The following GALNT15 variants were observed in gnomAD, a reference collection of about 807,000 sequenced individuals.
GALNT15 encodes polypeptide N-acetylgalactosaminyltransferase 15, also known as UDP-GalNAc transferase T15.
Under a neutral mutation model 66.8 loss-of-function variants are expected in GALNT15, and 67 were observed. That is an observed-to-expected ratio of 1.00 (90% CI 0.82 to 1.23). GALNT15 has a LOEUF of 1.23. GALNT15 is among the 50% of genes most tolerant of loss of function. The probability of loss-of-function intolerance (pLI) is 0.00; values close to 1 mark genes in which losing one functional copy is unlikely to be tolerated. For missense variants in GALNT15, 827 were observed against 804.3 expected, an observed-to-expected ratio of 1.03 and a Z score of -0.34; for synonymous variants, 313 against 311.5, an observed-to-expected ratio of 1.00 and a Z score of -0.05.
Position 16,195,546 on chromosome 3 carries a change from T to C in GALNT15, c.540-214T>C, listed in dbSNP as rs1267585515. On this transcript the variant is annotated intron_variant, in intron 1 of 9. Transcript: ENST00000339732. This position sits in a 1 kb window ranked among gnomAD's most constrained non-coding sequence, Gnocchi z 4.6. Reference sequence around the variant, plus strand: ...ATGAGAGGGACTTTGGATTAAATGATAAAGGAGCTCTTGAGATCTGAGAAT... The same window carrying C: ...ATGAGAGGGACTTTGGATTAAATGACAAAGGAGCTCTTGAGATCTGAGAAT... 6.6e-6 allele frequency among the ~76,000 whole-genome samples: 1 copy of C among 152,164 alleles called. No individual in the cohort carries two copies. The highest frequency in any genetic ancestry group is 2.4e-5 in the African/African-American group (1 of 41,446).
chr3:16,181,889 T>C lies in GALNT15; in HGVS notation c.539+6199T>C, dbSNP rs753324428. ...AACCTTCCAGCCCTCGAGTCCACAGTGGCCGCAGCAGAGGCAGTACCTCCT... is the reference window on the plus strand; with the variant it reads ...AACCTTCCAGCCCTCGAGTCCACAGCGGCCGCAGCAGAGGCAGTACCTCCT... On this transcript the variant is annotated intron_variant, in intron 1 of 9. Coordinates refer to ENST00000339732, the MANE Select transcript of GALNT15 (RefSeq NM_054110.5). The surrounding 1 kb of genome is among the most constrained non-coding windows in gnomAD (Gnocchi z 5.9). Among the ~76,000 whole-genome samples the C allele has an allele frequency of 3.1e-4, 47 of 152,198 alleles. No individual in the cohort carries two copies. Among genetic ancestry groups the C allele is most frequent in the Non-Finnish European group, 5.3e-4 (36 of 68,002 alleles).
intron 8 of GALNT15, chr3:16,220,261 C>G (rs2063929201): frequency 4.0e-6 from 2 of 505,190 alleles, no homozygotes; most frequent in Non-Finnish European, 7.1e-6. Flanking sequence ...AATGGAGAAG[C>G]CGTTTGGCCA....
In GALNT15 at chr3:16,208,698, C is replaced by T. The variant is rs374162850; in HGVS notation, c.1079+28C>T. ...GAGTCCCCATTTCACACCTGCTTTGCCATTGCCTCCTCAGGATGGACTCTG... is the reference window on the plus strand; with the variant it reads ...GAGTCCCCATTTCACACCTGCTTTGTCATTGCCTCCTCAGGATGGACTCTG... On this transcript the variant is annotated intron_variant, in intron 4 of 9. Transcript: ENST00000339732. 2.2e-4 allele frequency: 356 copies of T among 1,606,774 alleles called. No homozygotes were observed. The Middle Eastern group carries it at 3.5e-3, about 16-fold the overall frequency.
Position 16,228,561 on chromosome 3 carries a change from A to T in GALNT15, c.*1061A>T. 1.3e-6 allele frequency: 1 copy of T among 773,920 alleles called. No homozygotes were observed. The allele number at this position is 773,920 out of a possible 1,614,324, so 47.9% of individuals were successfully genotyped here. ...GAGGCTGAGGCAAGAGAATCGCTTG[A>T]ACCCAGGAGGCAGAGGTTGCAGTGA... On this transcript the variant is annotated 3_prime_UTR_variant, in exon 10 of 10. Transcript: ENST00000339732.
intron 3 of GALNT15, among the ~76,000 whole-genome samples, chr3:16,201,040 A>G (rs2063695247): frequency 6.6e-6 from 1 of 152,218 alleles, no homozygotes. Context: ...TTTATAGATA[A>G]AGAAACCGAG....
At chr3:16,179,699 C>A (rs1213705077) in intron 1 of GALNT15, among the ~76,000 whole-genome samples, 1 of 152,150 alleles carries the variant, frequency 6.6e-6, no homozygotes, top group Non-Finnish European at 1.5e-5. Flanking sequence ...AAATGTAAAT[C>A]CATGCAAACT....
At position 16,184,760 on chromosome 3, in the gene GALNT15, G is replaced by A. The variant is rs964358993; in HGVS notation, c.539+9070G>A. The stretch of plus-strand genomic sequence containing the variant: ...GCAGAGATGCCTGAGAGAGGCATGT[G>A]TTCAAGGCAGCTACCTCTGTGGGCA... On this transcript the variant is annotated intron_variant, in intron 1 of 9. Transcript: ENST00000339732. This position sits in a 1 kb window ranked among gnomAD's most constrained non-coding sequence, Gnocchi z 5.0. Among the ~76,000 whole-genome samples, 1 of 152,218 alleles carries A rather than the reference G, an allele frequency of 6.6e-6. No homozygotes were observed. The highest frequency in any genetic ancestry group is 1.5e-5 in the Non-Finnish European group (1 of 68,036).
chr3:16,228,636 A>G lies in GALNT15; in HGVS notation c.*1136A>G, dbSNP rs2064048528. 1.1e-6 allele frequency: 1 copy of G among 882,588 alleles called. No individual in the cohort carries two copies. 54.7% of individuals were successfully genotyped at this position (882,588 alleles called of 1,614,324 possible). A position where few individuals can be genotyped will look rare whatever the true frequency, so the allele number is the denominator to read the frequency against. Reference sequence around the variant, plus strand: ...AACCTGGGTGACAGAGTGAGACTCCATCTCAAAAAAAAAAAAAAAGAGAGA... The same window carrying G: ...AACCTGGGTGACAGAGTGAGACTCCGTCTCAAAAAAAAAAAAAAAGAGAGA... On this transcript the variant is annotated 3_prime_UTR_variant, in exon 10 of 10. Coordinates refer to ENST00000339732, the MANE Select transcript of GALNT15 (RefSeq NM_054110.5).
chr3:16,201,984 T>C (rs1404583157), intron 3 of GALNT15, among the ~76,000 whole-genome samples: 2 of 152,208 alleles, frequency 1.3e-5, no homozygotes, highest in Non-Finnish European at 2.9e-5. Context: ...ACAGGACCAA[T>C]GCTAGAACCA....
intron 1 of GALNT15, among the ~76,000 whole-genome samples, chr3:16,185,171 T>C (rs1171828214): frequency 2.0e-5 from 3 of 152,112 alleles, no homozygotes; most frequent in East Asian, 1.9e-4. Flanking sequence ...GATAGAGAGA[T>C]GGAAGGTGAA....
chr3:16,192,028 G>C (rs2063584611), intron 1 of GALNT15, among the ~76,000 whole-genome samples: 1 of 152,042 alleles, frequency 6.6e-6, no homozygotes, highest in Admixed American at 6.5e-5. Flanking sequence ...GGGCCTAAAG[G>C]GTAATTATGG....
Position 16,219,925 on chromosome 3 carries a change from C to G in GALNT15, c.1540C>G (p.Leu514Val). 1 of 1,614,140 alleles carries G rather than the reference C, an allele frequency of 6.2e-7. No individual in the cohort carries two copies. The highest frequency in any genetic ancestry group is 8.5e-7 in the Non-Finnish European group (1 of 1,179,960). The change falls in exon 8 of 10, where the codon CTT becomes GTT. Residue 514 changes from leucine to valine, a missense_variant. Leu to Val is a conservative substitution (Grantham distance 32, BLOSUM62 1). Transcript: ENST00000339732. The surrounding 1 kb of genome is among the most constrained non-coding windows in gnomAD (Gnocchi z 4.3). ...CCACTTTCAGCTCCACAACACTGGA[C>G]TTGGGCTCTGTGCAGACTGCCAGGC... ...SFSGKLHNTG[L>V]GLCADCQAEG... is the part of the protein sequence containing the mutation.
At position 16,193,956 on chromosome 3, in the gene GALNT15, G is replaced by C. The variant is rs1215065201; in HGVS notation, c.540-1804G>C. 6.6e-6 allele frequency among the ~76,000 whole-genome samples: 1 copy of C among 152,146 alleles called. No individual in the cohort carries two copies. The highest frequency in any genetic ancestry group is 1.5e-5 in the Non-Finnish European group (1 of 68,028). ...TAATTCACTCCACCCTGGACCCACT[G>C]ATTCTCAACAGACCCAAAGCAAGGC... On this transcript the variant is annotated intron_variant, in intron 1 of 9. Coordinates refer to ENST00000339732, the MANE Select transcript of GALNT15 (RefSeq NM_054110.5). The surrounding 1 kb of genome is among the most constrained non-coding windows in gnomAD (Gnocchi z 4.7).
At position 16,228,911 on chromosome 3, in the gene GALNT15, C is replaced by G; in HGVS notation, c.*1411C>G. On this transcript the variant is annotated 3_prime_UTR_variant, in exon 10 of 10. Coordinates refer to ENST00000339732, the MANE Select transcript of GALNT15 (RefSeq NM_054110.5). ...TGAGTGTGGGAAGAACACGGCTCAT[C>G]TGGAGCACAGCTGAGGCTAGTAAGA... 1 of 985,452 alleles carries G rather than the reference C, an allele frequency of 1.0e-6. No homozygotes were observed. The highest frequency in any genetic ancestry group is 1.2e-6 in the Non-Finnish European group (1 of 829,956). 61.0% of individuals were successfully genotyped at this position (985,452 alleles called of 1,614,324 possible).
chr3:16,212,555 T>C lies in GALNT15; in HGVS notation c.1198-14T>C. 6.2e-7 allele frequency: 1 copy of C among 1,608,380 alleles called. No homozygotes were observed. Among genetic ancestry groups the C allele is most frequent in the Non-Finnish European group, 8.5e-7 (1 of 1,176,320 alleles). The stretch of plus-strand genomic sequence containing the variant: ...GTGGAATGCTGAGGTGTTTATCTTT[T>C]CCCTTCGTGGCAGGCCTGGCTCTGT... On this transcript the variant is annotated splice_polypyrimidine_tract_variant and intron_variant, in intron 5 of 9. Coordinates refer to ENST00000339732, the MANE Select transcript of GALNT15 (RefSeq NM_054110.5).
chr3:16,212,667 C>A lies in GALNT15; in HGVS notation c.1296C>A (p.Ala432=). Residue 432 remains alanine (A), a synonymous_variant, in exon 6 of 10, where the codon GCC becomes GCA. Transcript: ENST00000339732. The part of the protein sequence containing the change: ...QDSHSPLDQE[A]TLRNRVRIAE... ...CCCATTCCCCCCTCGACCAGGAGGC[C>A]ACCCTGAGGAACAGGGTTCGCATTG... 1 of 1,613,960 alleles carries A rather than the reference C, an allele frequency of 6.2e-7. No homozygotes were observed. The highest frequency in any genetic ancestry group is 8.5e-7 in the Non-Finnish European group (1 of 1,179,932).
intron 6 of GALNT15, among the ~76,000 whole-genome samples, chr3:16,213,270 A>G (rs1398814675): frequency 6.6e-6 from 1 of 151,690 alleles, no homozygotes; most frequent in African/African-American, 2.4e-5. Context: ...CCTGGCTAAC[A>G]TGGTGAAACC....
At chr3:16,246,858 T>C in the GALNT15 span, among the ~76,000 whole-genome samples, 1 of 152,108 alleles carries the variant, frequency 6.6e-6, no homozygotes, top group East Asian at 1.9e-4. Context: ...GGTGGGAAAA[T>C]TGACATTGTA....
At chr3:16,213,251 C>A (rs1181879728) in intron 6 of GALNT15, among the ~76,000 whole-genome samples, 1 of 151,894 alleles carries the variant, frequency 6.6e-6, no homozygotes, top group Non-Finnish European at 1.5e-5. Context: ...GTCAGGAGAT[C>A]GAGACCATCC....
Sources: gnomAD v4.1 joint callset for allele counts (sites outside exome capture counted in the v4.1 genomes callset) on GRCh38, gnomAD v4.1.1 for gene constraint, Gnocchi (gnomAD v3.1) non-coding constraint, MANE v1.5 for transcripts, NCBI Gene and HGNC (gene_info 2026-07-23, HGNC 2026-07-21) for gene names.